The following SUGCT variants were observed in gnomAD, a reference collection of about 807,000 sequenced individuals.
SUGCT encodes the protein succinyl-CoA:glutarate CoA-transferase.
A neutral mutation model predicts 55.0 loss-of-function variants in SUGCT; 41 were observed. The observed-to-expected ratio is 0.74, with a 90% CI of 0.58 to 0.97. The LOEUF (loss-of-function observed/expected upper bound fraction) is 0.97. SUGCT is among the 50% of genes least tolerant of loss of function. SUGCT has a pLI of 0.00. For synonymous variants in SUGCT, 187 were observed against 200.4 expected (o/e 0.93, Z 0.56); for missense variants, 568 against 547.8 (o/e 1.04, Z -0.37).
chr7:40,430,884 C>T (rs946375238), intron 9 of SUGCT, among the ~76,000 whole-genome samples: 5 of 151,702 alleles, frequency 3.3e-5, no homozygotes, highest in South Asian at 2.1e-4. Flanking sequence ...GAGGCTGAGG[C>T]GGGCCTCAGC....
At chr7:40,617,529 G>A (rs770590533) in intron 12 of SUGCT, among the ~76,000 whole-genome samples, 2 of 139,130 alleles carry the variant, frequency 1.4e-5, no homozygotes, top group Non-Finnish European at 3.1e-5. Context: ...TTTCTTACTC[G>A]TTGACTTGCT....
intron 6 of SUGCT, among the ~76,000 whole-genome samples, chr7:40,202,034 T>C (rs1786636086): frequency 6.6e-6 from 1 of 152,138 alleles, no homozygotes. Context: ...AGTGCAGTGG[T>C]GCGATCTCGG....
intron 12 of SUGCT, among the ~76,000 whole-genome samples, chr7:40,535,653 C>T (rs1794322748): frequency 6.6e-6 from 1 of 152,124 alleles, no homozygotes; most frequent in South Asian, 2.1e-4. Context: ...AAGTGTGGTA[C>T]ATATATACTA....
At chr7:40,658,467 T>C (rs1801136024) in intron 12 of SUGCT, among the ~76,000 whole-genome samples, 1 of 152,170 alleles carries the variant, frequency 6.6e-6, no homozygotes, top group African/African-American at 2.4e-5. Context: ...GGCAGATCTG[T>C]CCTGGCTCTG....
At chr7:40,414,677 C>T (rs189609356) in intron 9 of SUGCT, among the ~76,000 whole-genome samples, 2 of 151,666 alleles carry the variant, frequency 1.3e-5, no homozygotes, top group East Asian at 3.9e-4. Flanking sequence ...GAGGCCAGGG[C>T]GGGCAGACCA....
At position 40,584,038 on chromosome 7, in the gene SUGCT, G is replaced by C. The variant is rs187644023; in HGVS notation, c.1089+87652G>C. Among the ~76,000 whole-genome samples the C allele has an allele frequency of 1.5e-4, 23 of 152,232 alleles. No individual in the cohort carries two copies. The East Asian group carries it at 4.2e-3, about 28-fold the overall frequency. On this transcript the variant is annotated intron_variant, in intron 12 of 13. Coordinates refer to ENST00000335693, the MANE Select transcript of SUGCT (RefSeq NM_001193313.2). Reference sequence around the variant, plus strand: ...ACCTTAGCTTTCCAAGTCAGTTCAGGGTTAAGGCTCTCTCAGTCAAGAAAA... The same window carrying C: ...ACCTTAGCTTTCCAAGTCAGTTCAGCGTTAAGGCTCTCTCAGTCAAGAAAA...
At chr7:40,301,043 C>T (rs1018803282) in intron 8 of SUGCT, among the ~76,000 whole-genome samples, 4 of 152,184 alleles carry the variant, frequency 2.6e-5, no homozygotes, top group Non-Finnish European at 4.4e-5. Flanking sequence ...TCTTCTAGGC[C>T]TGTTTTCAAT....
intron 12 of SUGCT, among the ~76,000 whole-genome samples, chr7:40,718,116 G>A (rs1011685276): frequency 6.6e-6 from 1 of 152,116 alleles, no homozygotes; most frequent in African/African-American, 2.4e-5. Flanking sequence ...TTGGTCATTT[G>A]TATCAAATCA....
chr7:40,997,347 C>T, the SUGCT span, among the ~76,000 whole-genome samples: 3 of 152,172 alleles, frequency 2.0e-5, no homozygotes, highest in Admixed American at 6.5e-5. Flanking sequence ...ACCATCTGCC[C>T]GCCCTCAACA....
intron 1 of SUGCT, among the ~76,000 whole-genome samples, chr7:40,150,396 C>T (rs367594167): frequency 6.7e-4 from 102 of 152,168 alleles, no homozygotes; most frequent in Middle Eastern, 3.4e-3. Context: ...GGGCCGGGCA[C>T]GGTGGCTCAC....
In SUGCT at chr7:40,722,461, T is replaced by A. The variant is rs191619127; in HGVS notation, c.1090-26973T>A. Among the ~76,000 whole-genome samples the A allele has an allele frequency of 9.2e-5, 14 of 152,286 alleles. No individual in the cohort carries two copies. The East Asian group carries it at 2.7e-3, about 29-fold the overall frequency. On this transcript the variant is annotated intron_variant, in intron 12 of 13. Coordinates refer to ENST00000335693, the MANE Select transcript of SUGCT (RefSeq NM_001193313.2). ...AGTTCATTTAAATGCTCCTTGGGAA[T>A]GTTGGCTCATTCAATGAGAAAACAG...
At chr7:41,028,459 C>T in the SUGCT span, among the ~76,000 whole-genome samples, 1 of 152,112 alleles carries the variant, frequency 6.6e-6, no homozygotes, top group Non-Finnish European at 1.5e-5. Context: ...CTGAGAAATG[C>T]ATAGTTAGGC....
At chr7:40,952,788 T>G in the SUGCT span, among the ~76,000 whole-genome samples, 1 of 152,356 alleles carries the variant, frequency 6.6e-6, no homozygotes, top group South Asian at 2.1e-4. Context: ...GCCCCCACTC[T>G]CTTCTGGCTT....
At position 40,811,967 on chromosome 7, in the gene SUGCT, G is replaced by T. The variant is rs1791442393; in HGVS notation, c.1154-48349G>T. On this transcript the variant is annotated intron_variant, in intron 13 of 13. Coordinates refer to ENST00000335693, the MANE Select transcript of SUGCT (RefSeq NM_001193313.2). Reference sequence around the variant, plus strand: ...AATGCCAAGTTTCTTGAGGGTTTTTGTCATGAAGGGATGTTGGATTTTTTT... The same window carrying T: ...AATGCCAAGTTTCTTGAGGGTTTTTTTCATGAAGGGATGTTGGATTTTTTT... 1.3e-5 allele frequency among the ~76,000 whole-genome samples: 2 copies of T among 152,052 alleles called. 1 individual carries two copies. The highest frequency in any genetic ancestry group is 4.1e-4 in the South Asian group (2 of 4,822).
At chr7:40,243,693 G>A (rs1054840892) in intron 7 of SUGCT, among the ~76,000 whole-genome samples, 16 of 152,070 alleles carry the variant, frequency 1.1e-4, no homozygotes, top group African/African-American at 3.6e-4. Context: ...AGGGCAAGTT[G>A]ATATGGTGGC....
intron 9 of SUGCT, among the ~76,000 whole-genome samples, chr7:40,448,636 A>G (rs560090967): frequency 2.0e-5 from 3 of 152,208 alleles, no homozygotes; most frequent in South Asian, 2.1e-4. Context: ...TCTCGAGCCC[A>G]GGGGTTTAAG....
chr7:40,710,166 C>T (rs1189825456), intron 12 of SUGCT, among the ~76,000 whole-genome samples: 4 of 152,222 alleles, frequency 2.6e-5, no homozygotes, highest in Non-Finnish European at 5.9e-5. Flanking sequence ...CTTCACTGTA[C>T]TGACTGCATC....
At chr7:41,034,911 A>G in the SUGCT span, among the ~76,000 whole-genome samples, 3 of 152,312 alleles carry the variant, frequency 2.0e-5, no homozygotes, top group Admixed American at 2.0e-4. Flanking sequence ...GAATTTGAAT[A>G]GCGTGGTTCT....
At chr7:40,746,142 T>A (rs757609039) in intron 12 of SUGCT, among the ~76,000 whole-genome samples, 70 of 152,122 alleles carry the variant, frequency 4.6e-4, no homozygotes, top group Non-Finnish European at 1.6e-4. Context: ...AGTTGAAGTG[T>A]CAAACGTGAA....
Sources: gnomAD v4.1 joint callset for allele counts (sites outside exome capture counted in the v4.1 genomes callset) on GRCh38, gnomAD v4.1.1 for gene constraint, MANE v1.5 for transcripts, NCBI Gene and HGNC (gene_info 2026-07-23, HGNC 2026-07-21) for gene names.